Variants in C2CD5 observed in about 807,000 individuals in gnomAD.
C2CD5 encodes the protein C2 calcium dependent domain containing 5.
Under a neutral mutation model 130.3 loss-of-function variants are expected in C2CD5, and 109 were observed. The ratio of observed to expected loss-of-function variants is 0.84; its 90% confidence interval spans 0.72 to 0.98. The LOEUF (loss-of-function observed/expected upper bound fraction) is 0.98. Ranked by LOEUF, C2CD5 falls within the 50% of genes least tolerant of loss-of-function variation. C2CD5 has a pLI of 0.00. For missense variants in C2CD5, 996 were observed against 1,261.8 expected, an observed-to-expected ratio of 0.79 and a Z score of 3.19; for synonymous variants, 454 against 429.2, an observed-to-expected ratio of 1.06 and a Z score of -0.71.
intron 25 of C2CD5, among the ~76,000 whole-genome samples, chr12:22,454,991 A>G (rs994896553): frequency 1.3e-5 from 2 of 152,164 alleles, no homozygotes; most frequent in Non-Finnish European, 2.9e-5. Context: ...ATGCTTTTCA[A>G]CCTAGGTTTC....
chr12:22,541,293 T>C lies in C2CD5; in HGVS notation c.90+2768A>G, dbSNP rs11046461. 5.5e-3 allele frequency among the ~76,000 whole-genome samples: 831 copies of C among 152,272 alleles called. 4 individuals carry two copies. The highest frequency in any genetic ancestry group is 0.017 in the Middle Eastern group (5 of 294). ...TCATCCACTTGTCCGCATTACCAAA[T>C]CCATCACCTTGGATAACATTACCTG... On this transcript the variant is annotated intron_variant, in intron 2 of 26. Coordinates refer to ENST00000446597, the MANE Select transcript of C2CD5 (RefSeq NM_001286176.2).
At chr12:22,457,954 T>C (rs1474960556) in intron 24 of C2CD5, among the ~76,000 whole-genome samples, 1 of 152,104 alleles carries the variant, frequency 6.6e-6, no homozygotes, top group Non-Finnish European at 1.5e-5. Context: ...TGTAGTTTTT[T>C]CCCCCTTTTA....
At chr12:22,524,012 T>G (rs1950513915) in intron 6 of C2CD5, among the ~76,000 whole-genome samples, 2 of 151,974 alleles carry the variant, frequency 1.3e-5, no homozygotes, top group African/African-American at 4.8e-5. Context: ...AAGAAAAATT[T>G]AAAAAGGGAA....
In C2CD5 at chr12:22,494,842, C is replaced by A. The variant is rs531897651; in HGVS notation, c.1148-1505G>T. ...TTGTGTTAAAGAATTTCTTCATATT[C>A]CCAAATGAAATGTATATAGTAACAG... On this transcript the variant is annotated intron_variant, in intron 10 of 26. Coordinates refer to ENST00000446597, the MANE Select transcript of C2CD5 (RefSeq NM_001286176.2). Among the ~76,000 whole-genome samples the A allele has an allele frequency of 2.0e-5, 3 of 152,158 alleles. 1 individual carries two copies. The highest frequency in any genetic ancestry group is 7.2e-5 in the African/African-American group (3 of 41,544).
chr12:22,527,918 C>T (rs1397488526), intron 3 of C2CD5, 26 bp from the exon 4 acceptor site: 2 of 1,486,814 alleles, frequency 1.3e-6, no homozygotes, highest in South Asian at 1.3e-5. Flanking sequence ...AAAATTAAAA[C>T]TCATATAGTT....
intron 12 of C2CD5, among the ~76,000 whole-genome samples, chr12:22,489,206 T>G (rs1267112521): frequency 6.6e-6 from 1 of 151,872 alleles, no homozygotes; most frequent in Non-Finnish European, 1.5e-5. Context: ...ATACTTAATA[T>G]ATTAATACTG....
intron 14 of C2CD5, among the ~76,000 whole-genome samples, chr12:22,481,108 G>C (rs1944646253): frequency 6.6e-6 from 1 of 152,030 alleles, no homozygotes; most frequent in African/African-American, 2.4e-5. Flanking sequence ...CCCGGCCTAT[G>C]TATCAAATAT....
chr12:22,494,289 T>A (rs1282704087), intron 10 of C2CD5, among the ~76,000 whole-genome samples: 1 of 152,062 alleles, frequency 6.6e-6, no homozygotes, highest in African/African-American at 2.4e-5. Context: ...CAACTCTAGA[T>A]AGAATGCTAA....
chr12:22,535,030 A>G, intron 3 of C2CD5: 1 of 349,210 alleles, frequency 2.9e-6, no homozygotes. Context: ...AATAATAATA[A>G]TATAATACAT....
In C2CD5 at chr12:22,448,985, T is replaced by C. The variant is rs1404191952; in HGVS notation, c.*775A>G. On this transcript the variant is annotated 3_prime_UTR_variant, in exon 27 of 27. Coordinates refer to ENST00000446597, the MANE Select transcript of C2CD5 (RefSeq NM_001286176.2). Reference sequence around the variant, plus strand: ...TTATGTTCCTACTAAGTCAACTGCATTTTTACTACTTTAACAAAATTCACT... The same window carrying C: ...TTATGTTCCTACTAAGTCAACTGCACTTTTACTACTTTAACAAAATTCACT... The C allele has an allele frequency of 6.6e-6, 1 of 152,402 alleles. No individual in the cohort carries two copies. The highest frequency in any genetic ancestry group is 2.4e-5 in the African/African-American group (1 of 41,456). The allele number at this position is 152,402 out of a possible 1,614,324, so 9.4% of individuals were successfully genotyped here.
At chr12:22,474,610 T>G in intron 16 of C2CD5, 141 bp downstream of exon 16, 1 of 522,692 alleles carries the variant, frequency 1.9e-6, no homozygotes, top group Non-Finnish European at 3.1e-6. Flanking sequence ...TATTTTCAAG[T>G]TTGTTGTATT....
intron 13 of C2CD5, among the ~76,000 whole-genome samples, chr12:22,484,096 T>C (rs1302244231): frequency 6.6e-6 from 1 of 152,150 alleles, no homozygotes; most frequent in Non-Finnish European, 1.5e-5. Flanking sequence ...ATGAAGATTA[T>C]ACATAAAGGT....
intron 26 of C2CD5, 123 bp downstream of exon 26, chr12:22,453,773 T>C (rs1939214389): frequency 5.2e-6 from 4 of 766,918 alleles, no homozygotes; most frequent in Non-Finnish European, 6.6e-6. Flanking sequence ...CATTAAAATA[T>C]CTTACGCATC....
chr12:22,487,508 T>TACCAC (rs1565710329), intron 12 of C2CD5, among the ~76,000 whole-genome samples: 2 of 152,254 alleles, frequency 1.3e-5, no homozygotes, highest in South Asian at 2.1e-4. Flanking sequence ...TGAGATACCA[T>TACCAC]ACCACACCAG....
chr12:22,475,024 G>T, intron 15 of C2CD5, 133 bp from the exon 16 acceptor site: 1 of 514,254 alleles, frequency 1.9e-6, no homozygotes, highest in Non-Finnish European at 3.2e-6. Context: ...CCGTACTTAA[G>T]TATAACCTTT....
chr12:22,463,477 G>T (rs1024808223), intron 22 of C2CD5: 1 of 152,098 alleles, frequency 6.6e-6, no homozygotes. Flanking sequence ...TATAAAAAGG[G>T]AGATTTGATC....
At chr12:22,470,476 T>C (rs1202309113) in intron 21 of C2CD5, among the ~76,000 whole-genome samples, 1 of 152,118 alleles carries the variant, frequency 6.6e-6, no homozygotes, top group Non-Finnish European at 1.5e-5. Context: ...AGGCACACAA[T>C]TGTGCTTACT....
chr12:22,535,514 A>G (rs1280543387), intron 2 of C2CD5, among the ~76,000 whole-genome samples, 170 bp from the exon 3 acceptor site: 1 of 152,178 alleles, frequency 6.6e-6, no homozygotes, highest in Non-Finnish European at 1.5e-5. Context: ...ATTGTAGACT[A>G]ATAATAATAC....
At chr12:22,526,449 G>T (rs1041414897) in intron 4 of C2CD5, among the ~76,000 whole-genome samples, 10 of 152,198 alleles carry the variant, frequency 6.6e-5, no homozygotes, top group African/African-American at 2.4e-4. Context: ...TAGCTGTTAA[G>T]TGGCAGATCC....
Sources: allele counts gnomAD v4.1 joint callset (sites outside exome capture counted in the v4.1 genomes callset), GRCh38; gene constraint gnomAD v4.1.1; transcripts MANE v1.5; gene names NCBI Gene and HGNC (gene_info 2026-07-23, HGNC 2026-07-21).